AFF2: variants seen among roughly 807,000 people sequenced by gnomAD.
AFF2 encodes the protein AF4/FMR2 family member 2.
In AFF2, 14 loss-of-function variants were observed where a neutral mutation model predicts 76.9. The ratio of observed to expected loss-of-function variants is 0.18; its 90% CI spans 0.12 to 0.28. The LOEUF (loss-of-function observed/expected upper bound fraction) is 0.28, where lower values mean the gene tolerates loss of function less well. Among genes scored for constraint, AFF2 ranks in the 10% least tolerant of loss-of-function variants. The pLI is 1.00. For missense variants in AFF2, 868 were observed against 1,001.1 expected, an observed-to-expected ratio of 0.87 and a Z score of 1.79; for synonymous variants, 398 against 366.7, an observed-to-expected ratio of 1.09 and a Z score of -0.98.
chrX:148,698,541 A>G (rs944043763), intron 3 of AFF2, among the ~76,000 whole-genome samples: 2 of 112,649 alleles, frequency 1.8e-5, no homozygotes, highest in African/African-American at 6.4e-5. Context: ...GACCTAAATA[A>G]AAACCCTATT....
chrX:148,556,725 G>A (rs1306845939), intron 1 of AFF2, among the ~76,000 whole-genome samples: 6 of 111,978 alleles, frequency 5.4e-5, no homozygotes, highest in Non-Finnish European at 1.1e-4. Context: ...AGTAAAACCT[G>A]GTTGACATTT....
intron 9 of AFF2, among the ~76,000 whole-genome samples, chrX:148,914,801 T>G (rs1477501402): frequency 5.3e-5 from 6 of 112,922 alleles, no homozygotes; most frequent in Non-Finnish European, 1.1e-4. Flanking sequence ...AACACTATTA[T>G]TTTAGCTTCA....
chrX:148,598,542 C>G (rs1409543978), intron 1 of AFF2, among the ~76,000 whole-genome samples: 9 of 112,374 alleles, frequency 8.0e-5, no homozygotes, highest in Non-Finnish European at 1.7e-4. Context: ...TGCCTGCACA[C>G]TGCATGCCAT....
chrX:148,631,932 C>T (rs1384142905), intron 1 of AFF2, among the ~76,000 whole-genome samples: 1 of 111,537 alleles, frequency 9.0e-6, no homozygotes, highest in Non-Finnish European at 1.9e-5. Flanking sequence ...CAGAGCCATG[C>T]CCCAAGAACA....
rs887967186 is a variant in AFF2 at position 148,768,427 on chromosome X, C to T, written c.1042-41449C>T. Among the ~76,000 whole-genome samples the T allele has an allele frequency of 5.2e-4, 58 of 110,897 alleles. 1 individual carries two copies. The highest frequency in any genetic ancestry group is 6.0e-4 in the Non-Finnish European group (32 of 52,981). On this transcript the variant is annotated intron_variant, in intron 3 of 20. Coordinates refer to ENST00000370460, the MANE Select transcript of AFF2 (RefSeq NM_002025.4). ...TTAAATGCAGTTCACACCTCCTTGACGTCACTTCCAGGCCTTCAGACGTGA... is the reference window on the plus strand; with the variant it reads ...TTAAATGCAGTTCACACCTCCTTGATGTCACTTCCAGGCCTTCAGACGTGA...
At chrX:148,810,376 C>T (rs1264417977) in intron 4 of AFF2, among the ~76,000 whole-genome samples, 2 of 112,057 alleles carry the variant, frequency 1.8e-5, no homozygotes, top group Non-Finnish European at 3.8e-5. Context: ...AAAATGATGG[C>T]ATGTTGTGGA....
At chrX:148,587,047 T>C (rs1459520314) in intron 1 of AFF2, among the ~76,000 whole-genome samples, 1 of 111,763 alleles carries the variant, frequency 8.9e-6, no homozygotes, top group East Asian at 2.8e-4. Flanking sequence ...GACCCAACAA[T>C]TTACGAGGTA....
At chrX:148,748,380 G>A (rs2055451541) in intron 3 of AFF2, among the ~76,000 whole-genome samples, 1 of 111,970 alleles carries the variant, frequency 8.9e-6, no homozygotes, top group African/African-American at 3.3e-5. Flanking sequence ...AGGTTAACAA[G>A]TACTCAGTGA....
chrX:148,922,586 T>C (rs1189730435), intron 9 of AFF2, among the ~76,000 whole-genome samples: 1 of 112,454 alleles, frequency 8.9e-6, no homozygotes, highest in African/African-American at 3.2e-5. Context: ...CTCTCTTATA[T>C]TCTCTGTTAA....
chrX:148,831,532 C>T (rs1047559870), intron 4 of AFF2, among the ~76,000 whole-genome samples: 7 of 112,237 alleles, frequency 6.2e-5, no homozygotes, highest in Non-Finnish European at 1.3e-4. Context: ...CCCATCTTAA[C>T]CCTACTCCTG....
At chrX:148,812,592 A>G (rs1453358772) in intron 4 of AFF2, among the ~76,000 whole-genome samples, 2 of 110,841 alleles carry the variant, frequency 1.8e-5, no homozygotes, top group Non-Finnish European at 3.8e-5. Flanking sequence ...ATCTGAGTCC[A>G]TTTGCTCTCC....
chrX:148,721,088 G>A (rs782661353), intron 3 of AFF2, among the ~76,000 whole-genome samples: 2 of 111,996 alleles, frequency 1.8e-5, no homozygotes, highest in African/African-American at 6.5e-5. Flanking sequence ...TGACATTATA[G>A]GCTTAAAGTC....
intron 3 of AFF2, among the ~76,000 whole-genome samples, chrX:148,779,570 T>A (rs192873201): frequency 0.014 from 1,528 of 110,677 alleles, 11 homozygotes; most frequent in Middle Eastern, 0.067. Flanking sequence ...GCTCTTCTTG[T>A]TGCATTTTTT....
intron 1 of AFF2, among the ~76,000 whole-genome samples, chrX:148,535,541 A>G (rs2052774571): frequency 8.9e-6 from 1 of 112,522 alleles, no homozygotes; most frequent in African/African-American, 3.2e-5. Context: ...AAATTTACCC[A>G]TTTCTGAAGT....
chrX:148,706,992 C>T (rs1437759882), intron 3 of AFF2, among the ~76,000 whole-genome samples: 1 of 112,110 alleles, frequency 8.9e-6, no homozygotes, highest in Admixed American at 9.5e-5. Context: ...CATAGCTTAT[C>T]AGAGTCTCTT....
intron 3 of AFF2, among the ~76,000 whole-genome samples, chrX:148,746,743 A>G (rs962607324): frequency 8.9e-6 from 1 of 112,797 alleles, no homozygotes; most frequent in Non-Finnish European, 1.9e-5. Context: ...CAAGCTTTCT[A>G]ATAGAGGGAT....
At chrX:148,556,456 T>G (rs1216356995) in intron 1 of AFF2, among the ~76,000 whole-genome samples, 3 of 111,983 alleles carry the variant, frequency 2.7e-5, no homozygotes, top group Non-Finnish European at 5.6e-5. Flanking sequence ...CTGCATATTT[T>G]TTTACTCCAG....
At chrX:148,677,415 T>G (rs2054497757) in intron 3 of AFF2, among the ~76,000 whole-genome samples, 1 of 112,278 alleles carries the variant, frequency 8.9e-6, no homozygotes, top group Admixed American at 9.4e-5. Flanking sequence ...ATTGAAAGAT[T>G]TATTTCTTAC....
intron 9 of AFF2, among the ~76,000 whole-genome samples, chrX:148,931,060 C>T (rs2071706528): frequency 1.8e-5 from 2 of 109,904 alleles, no homozygotes; most frequent in Non-Finnish European, 3.8e-5. Context: ...CGAGACCATC[C>T]TGGGTAACAT....
Sources: allele counts gnomAD v4.1 joint callset (sites outside exome capture counted in the v4.1 genomes callset), GRCh38; gene constraint gnomAD v4.1.1; transcripts MANE v1.5; gene names NCBI Gene and HGNC (gene_info 2026-07-23, HGNC 2026-07-21).